LRFN5: variants seen among roughly 807,000 people sequenced by gnomAD.
The protein encoded by LRFN5 is leucine rich repeat and fibronectin type III domain containing 5, also known as leucine-rich repeat and fibronectin type-III domain-containing protein 5.
In LRFN5, 24 loss-of-function variants were observed where a neutral mutation model predicts 45.6. The ratio of observed to expected loss-of-function variants is 0.53; its 90% CI spans 0.38 to 0.74. The LOEUF is 0.74. Ranked by LOEUF, LRFN5 falls within the 30% of genes least tolerant of loss-of-function variation. The pLI is 0.00. For synonymous variants in LRFN5, 340 were observed against 313.8 expected, an observed-to-expected ratio of 1.08 and a Z score of -0.88; for missense variants, 776 against 861.5, an observed-to-expected ratio of 0.90 and a Z score of 1.24.
chr14:41,618,001 AT>A (rs1235321068), intron 1 of LRFN5, among the ~76,000 whole-genome samples: 1 of 152,000 alleles, frequency 6.6e-6, no homozygotes, highest in Non-Finnish European at 1.5e-5. Context: ...GATGCTCTTA[AT>A]GAGTGCTTCA....
At chr14:41,869,556 T>C (rs1344197785) in intron 2 of LRFN5, among the ~76,000 whole-genome samples, 1 of 152,066 alleles carries the variant, frequency 6.6e-6, no homozygotes, top group East Asian at 1.9e-4. Flanking sequence ...GTTTTTTACA[T>C]AGTTGTATTA....
chr14:41,607,023 C>G lies in LRFN5; in HGVS notation c.-1736C>G, dbSNP rs1474922787. 6.6e-6 allele frequency among the ~76,000 whole-genome samples: 1 copy of G among 152,094 alleles called. No homozygotes were observed. Among genetic ancestry groups the G allele is most frequent in the Non-Finnish European group, 1.5e-5 (1 of 67,990 alleles). Reference sequence around the variant, plus strand: ...AGCCCCGGACCTCGGCTGCTTGCCTCGCGCCTGAACTGCGGACTCGCCCCA... The same window carrying G: ...AGCCCCGGACCTCGGCTGCTTGCCTGGCGCCTGAACTGCGGACTCGCCCCA... On this transcript the variant is annotated 5_prime_UTR_variant, in exon 1 of 6. Coordinates refer to ENST00000298119, the MANE Select transcript of LRFN5 (RefSeq NM_152447.5).
intron 2 of LRFN5, among the ~76,000 whole-genome samples, chr14:41,845,094 T>A (rs1206489064): frequency 6.6e-6 from 1 of 152,028 alleles, no homozygotes; most frequent in Non-Finnish European, 1.5e-5. Context: ...TATCTAACAC[T>A]AGGCTCACTG....
intron 5 of LRFN5, among the ~76,000 whole-genome samples, chr14:41,902,823 T>TATATC (rs1468862602): frequency 6.6e-6 from 1 of 151,716 alleles, no homozygotes; most frequent in African/African-American, 2.4e-5. Flanking sequence ...TCAAAGGGAG[T>TATATC]ATATCACTTG....
chr14:41,883,622 C>A (rs1890463882), intron 2 of LRFN5, among the ~76,000 whole-genome samples: 1 of 152,174 alleles, frequency 6.6e-6, no homozygotes, highest in African/African-American at 2.4e-5. Flanking sequence ...AGATGTTTTT[C>A]ATTATCTTCC....
chr14:41,887,555 C>T lies in LRFN5; in HGVS notation c.930C>T (p.Ala310=). ...EGQRATLRCK[A]RGDPEPAIHW... The stretch of plus-strand genomic sequence containing the variant: ...AAAGGGCAACACTGAGGTGCAAAGC[C>T]AGGGGAGACCCTGAGCCTGCAATTC... Residue 310 remains alanine (A), a synonymous_variant, in exon 3 of 6, where the codon GCC becomes GCT. Coordinates refer to ENST00000298119, the MANE Select transcript of LRFN5 (RefSeq NM_152447.5). The surrounding 1 kb of genome is among the most constrained non-coding windows in gnomAD (Gnocchi z 4.8). 1 of 1,614,148 alleles carries T rather than the reference C, an allele frequency of 6.2e-7. No homozygotes were observed. Among genetic ancestry groups the T allele is most frequent in the Non-Finnish European group, 8.5e-7 (1 of 1,180,018 alleles).
intron 2 of LRFN5, among the ~76,000 whole-genome samples, chr14:41,783,792 T>C (rs1886621127): frequency 6.6e-6 from 1 of 152,172 alleles, no homozygotes; most frequent in African/African-American, 2.4e-5. Context: ...GTTATAAATA[T>C]CATTATCATG....
chr14:41,842,328 G>A (rs866803707), intron 2 of LRFN5, among the ~76,000 whole-genome samples: 1 of 152,078 alleles, frequency 6.6e-6, no homozygotes, highest in Non-Finnish European at 1.5e-5. Context: ...AAGCATCATT[G>A]TAGGTTAACT....
At chr14:41,706,326 C>G (rs1038701554) in intron 1 of LRFN5, among the ~76,000 whole-genome samples, 4 of 152,134 alleles carry the variant, frequency 2.6e-5, no homozygotes, top group African/African-American at 7.2e-5. Flanking sequence ...TCTTGAACTC[C>G]CGACCTCGGG....
rs556271198 is a variant in LRFN5 at position 41,863,091 on chromosome 14, C to T, written c.-20-23515C>T. ...GTATTAGCCAGGATGGTCTCGATCT[C>T]CTGACCTTGTGATCCGCCCGCCTCA... On this transcript the variant is annotated intron_variant, in intron 2 of 5. Transcript: ENST00000298119. Among the ~76,000 whole-genome samples the T allele has an allele frequency of 5.3e-5, 8 of 152,218 alleles. No individual in the cohort carries two copies. In the East Asian group the frequency reaches 1.5e-3, roughly 29 times the overall value.
rs570112192 is a variant in LRFN5, at chr14:41,901,996, G to C, written c.2143-2162G>C. On this transcript the variant is annotated intron_variant, in intron 5 of 5. Coordinates refer to ENST00000298119, the MANE Select transcript of LRFN5 (RefSeq NM_152447.5). ...CAAATTTTAAAAAAGGAGAGCCTTTGGGTCAGCAATGACCTTTAGAAATCA... is the reference window on the plus strand; with the variant it reads ...CAAATTTTAAAAAAGGAGAGCCTTTCGGTCAGCAATGACCTTTAGAAATCA... Among the ~76,000 whole-genome samples, 91 of 152,028 alleles carry C rather than the reference G, an allele frequency of 6.0e-4. 1 individual carries two copies. Among genetic ancestry groups the C allele is most frequent in the African/African-American group, 1.6e-3 (68 of 41,530 alleles).
chr14:41,620,550 T>C (rs1292794316), intron 1 of LRFN5, among the ~76,000 whole-genome samples: 2 of 152,108 alleles, frequency 1.3e-5, no homozygotes, highest in Admixed American at 6.6e-5. Flanking sequence ...ATTGATCTTA[T>C]AGTAGCTTAG....
At chr14:41,782,631 G>A (rs1886568986) in intron 2 of LRFN5, among the ~76,000 whole-genome samples, 1 of 152,136 alleles carries the variant, frequency 6.6e-6, no homozygotes, top group Admixed American at 6.5e-5. Context: ...TAACAGAATT[G>A]AAGTAAATAG....
At chr14:41,704,025 A>T (rs577451154) in intron 1 of LRFN5, among the ~76,000 whole-genome samples, 2 of 152,246 alleles carry the variant, frequency 1.3e-5, no homozygotes, top group South Asian at 4.1e-4. Flanking sequence ...CCCTGTCAAT[A>T]TGACCTTCTA....
intron 1 of LRFN5, among the ~76,000 whole-genome samples, chr14:41,708,543 T>G (rs1409692071): frequency 1.3e-5 from 2 of 152,024 alleles, no homozygotes; most frequent in Non-Finnish European, 1.5e-5. Context: ...CTTTTCATGA[T>G]TGTTCTTCTA....
intron 1 of LRFN5, among the ~76,000 whole-genome samples, chr14:41,687,596 A>G (rs557135970): frequency 4.0e-4 from 61 of 152,374 alleles, no homozygotes; most frequent in South Asian, 1.9e-3. Flanking sequence ...TCAAATGTCC[A>G]TCAATGATAG....
At chr14:41,612,679 T>C (rs1956450) in intron 1 of LRFN5, among the ~76,000 whole-genome samples, 59,300 of 151,882 alleles carry the variant, frequency 0.39, 13,046 homozygotes, top group Non-Finnish European at 0.51. Context: ...CCTTCAATCA[T>C]TGAGGACTAT....
chr14:41,875,237 A>G (rs1890149063), intron 2 of LRFN5, among the ~76,000 whole-genome samples: 1 of 152,248 alleles, frequency 6.6e-6, no homozygotes. Context: ...ACTTCTGCAC[A>G]TGCATAGGAA....
intron 2 of LRFN5, among the ~76,000 whole-genome samples, chr14:41,834,900 C>T (rs1040652740): frequency 7.2e-5 from 11 of 151,844 alleles, no homozygotes; most frequent in African/African-American, 2.2e-4. Flanking sequence ...TGCGCTCAAG[C>T]AATCCACCTA....
Sources: allele counts gnomAD v4.1 joint callset (sites outside exome capture counted in the v4.1 genomes callset), GRCh38; gene constraint gnomAD v4.1.1; non-coding constraint Gnocchi (gnomAD v3.1); transcripts MANE v1.5; gene names NCBI Gene and HGNC (gene_info 2026-07-23, HGNC 2026-07-21).